FTCDNL1: variants seen among roughly 807,000 people sequenced by gnomAD.
FTCDNL1 encodes the protein formiminotransferase cyclodeaminase N-terminal like.
Under a neutral mutation model 5.9 loss-of-function variants are expected in FTCDNL1, and 11 were observed. The observed-to-expected ratio is 1.87, with a 90% CI of 1.18 to 3.10. The LOEUF (loss-of-function observed/expected upper bound fraction) is 3.10, where lower values mean the gene tolerates loss of function less well. Ranked by LOEUF, FTCDNL1 falls within the 30% of genes most tolerant of loss-of-function variation. FTCDNL1 has a pLI of 0.00. For missense variants in FTCDNL1, 115 were observed against 65.5 expected (o/e 1.76, Z -2.61); for synonymous variants, 58 against 24.8 (o/e 2.34, Z -3.99).
the FTCDNL1 span, among the ~76,000 whole-genome samples, chr2:199,735,568 G>C: frequency 6.6e-6 from 1 of 152,026 alleles, no homozygotes; most frequent in Admixed American, 6.5e-5. Context: ...ATCTTTAGTG[G>C]TGAGCAAGAA....
the FTCDNL1 span, among the ~76,000 whole-genome samples, chr2:199,708,318 T>C: frequency 3.9e-5 from 6 of 152,108 alleles, no homozygotes; most frequent in African/African-American, 1.4e-4. Context: ...ATGCATATTT[T>C]TTAAATAGCT....
intron 3 of FTCDNL1, among the ~76,000 whole-genome samples, chr2:199,785,817 C>T (rs914138688): frequency 7.2e-5 from 11 of 152,042 alleles, no homozygotes; most frequent in African/African-American, 2.7e-4. Context: ...GTTTAGTCAC[C>T]AACAGAACAA....
At chr2:199,804,991 G>T (rs1472418040), downstream of FTCDNL1, among the ~76,000 whole-genome samples, 1 of 152,170 alleles carries the variant, frequency 6.6e-6, no homozygotes, top group Non-Finnish European at 1.5e-5. Flanking sequence ...TGCAGAGCTG[G>T]GGCTCAGGCG....
intron 3 of FTCDNL1, chr2:199,844,609 C>A: frequency 2.3e-6 from 1 of 427,726 alleles, no homozygotes; most frequent in South Asian, 6.0e-5. Flanking sequence ...TTTTGTTGGT[C>A]CCCTAGTTGT....
At chr2:199,848,451 TCTG>T (rs2076787424) in intron 2 of FTCDNL1, among the ~76,000 whole-genome samples, 2 of 152,256 alleles carry the variant, frequency 1.3e-5, no homozygotes. Flanking sequence ...TTTCATTTAA[TCTG>T]CTCAATAAAA....
chr2:199,700,156 G>A, the FTCDNL1 span, among the ~76,000 whole-genome samples: 1 of 152,060 alleles, frequency 6.6e-6, no homozygotes, highest in Non-Finnish European at 1.5e-5. Flanking sequence ...AACCCCCATA[G>A]TCTCTGCCCA....
chr2:199,724,340 C>T, the FTCDNL1 span, among the ~76,000 whole-genome samples: 2 of 151,990 alleles, frequency 1.3e-5, no homozygotes, highest in Non-Finnish European at 2.9e-5. Context: ...AACCCAGCTC[C>T]TGGATTCATT....
intron 3 of FTCDNL1, among the ~76,000 whole-genome samples, chr2:199,800,776 G>T (rs1335055803): frequency 6.6e-6 from 1 of 152,152 alleles, no homozygotes; most frequent in Non-Finnish European, 1.5e-5. Context: ...AAATTCCCAT[G>T]GGACATACTT....
the FTCDNL1 span, among the ~76,000 whole-genome samples, chr2:199,682,445 A>T: frequency 3.2e-3 from 484 of 152,322 alleles, 4 homozygotes; most frequent in African/African-American, 0.011. Flanking sequence ...GAGAACCCTG[A>T]CTAATACAAC....
chr2:199,692,741 T>C, the FTCDNL1 span, among the ~76,000 whole-genome samples: 3 of 152,226 alleles, frequency 2.0e-5, no homozygotes, highest in Non-Finnish European at 4.4e-5. Context: ...GCATGGCCCA[T>C]TGTGTGGCAA....
intron 3 of FTCDNL1, among the ~76,000 whole-genome samples, chr2:199,838,788 G>C (rs902523014): frequency 8.5e-5 from 13 of 152,280 alleles, no homozygotes; most frequent in African/African-American, 3.1e-4. Context: ...CAAGGTGTCT[G>C]GGCTGGGGAA....
the FTCDNL1 span, among the ~76,000 whole-genome samples, chr2:199,740,068 G>A: frequency 6.6e-6 from 1 of 152,166 alleles, no homozygotes; most frequent in Non-Finnish European, 1.5e-5. Context: ...ACTGTTTAAA[G>A]GGGAAATTAA....
At chr2:199,773,404 T>C (rs1214132341) in intron 3 of FTCDNL1, among the ~76,000 whole-genome samples, 1 of 152,208 alleles carries the variant, frequency 6.6e-6, no homozygotes, top group African/African-American at 2.4e-5. Context: ...ACCTTGACCC[T>C]GTATCCAGAA....
the FTCDNL1 span, among the ~76,000 whole-genome samples, chr2:199,737,742 G>GC: frequency 1.3e-5 from 2 of 152,292 alleles, no homozygotes; most frequent in Non-Finnish European, 2.9e-5. Flanking sequence ...TGCTCTGCTG[G>GC]CATCATTTTG....
the FTCDNL1 span, among the ~76,000 whole-genome samples, chr2:199,738,018 A>C: frequency 6.6e-6 from 1 of 152,178 alleles, no homozygotes; most frequent in East Asian, 1.9e-4. Context: ...CTCTCCATTA[A>C]CTGCTTCACT....
the FTCDNL1 span, among the ~76,000 whole-genome samples, chr2:199,728,570 A>G: frequency 0.01 from 1,549 of 152,268 alleles, 18 homozygotes; most frequent in Non-Finnish European, 0.014. Context: ...TTCTAAGGGA[A>G]AACTCAGAAT....
chr2:199,775,320 G>A (rs765055514), intron 3 of FTCDNL1, among the ~76,000 whole-genome samples: 1 of 152,208 alleles, frequency 6.6e-6, no homozygotes, highest in African/African-American at 2.4e-5. Context: ...TGTTGTAGCA[G>A]ACTCAGCCAA....
chr2:199,705,001 G>A, the FTCDNL1 span, among the ~76,000 whole-genome samples: 9 of 152,316 alleles, frequency 5.9e-5, no homozygotes, highest in Non-Finnish European at 1.0e-4. Flanking sequence ...CATTCTGCTA[G>A]GACATCCTGC....
At chr2:199,820,295 T>G (rs1025973943) in intron 3 of FTCDNL1, among the ~76,000 whole-genome samples, 8 of 152,240 alleles carry the variant, frequency 5.3e-5, no homozygotes, top group Non-Finnish European at 1.2e-4. Context: ...AGAACTAAAG[T>G]TTTAATTGAC....
Sources: allele counts gnomAD v4.1 joint callset (sites outside exome capture counted in the v4.1 genomes callset), GRCh38; gene constraint gnomAD v4.1.1; transcripts MANE v1.5; gene names NCBI Gene and HGNC (gene_info 2026-07-23, HGNC 2026-07-21).